OTOG: variants seen among roughly 807,000 people sequenced by gnomAD.
The protein encoded by OTOG is otogelin.
Under a neutral mutation model 313.8 loss-of-function variants are expected in OTOG, and 296 were observed. That is an observed-to-expected ratio of 0.94 (90% confidence interval 0.86 to 1.04). OTOG has a LOEUF of 1.04. Among genes scored for constraint, OTOG ranks in the 50% least tolerant of loss-of-function variants. The probability of loss-of-function intolerance (pLI) is 0.00; values close to 1 mark genes in which losing one functional copy is unlikely to be tolerated. For missense variants in OTOG, 3,948 were observed against 3,840.1 expected (o/e 1.03, Z -0.74); for synonymous variants, 1,533 against 1,554.9 (o/e 0.99, Z 0.33).
intron 37 of OTOG, 29 bp downstream of exon 37, chr11:17,612,359 G>T (rs1172463636): frequency 6.6e-7 from 1 of 1,504,216 alleles, no homozygotes; most frequent in Admixed American, 2.0e-5. Flanking sequence ...GGAGCCTCCT[G>T]CATCCTCCCT....
chr11:17,620,779 T>C (rs947269948), intron 39 of OTOG, among the ~76,000 whole-genome samples: 2 of 152,228 alleles, frequency 1.3e-5, no homozygotes, highest in African/African-American at 4.8e-5. Flanking sequence ...AGATCACTTA[T>C]GCTCTCTGCT....
intron 30 of OTOG, among the ~76,000 whole-genome samples, chr11:17,598,514 A>C (rs1326722031): frequency 1.3e-5 from 2 of 152,184 alleles, no homozygotes; most frequent in African/African-American, 2.4e-5. Flanking sequence ...TAGCCCCTTA[A>C]ATTTCACATC....
chr11:17,609,062 A>G (rs1203442032), intron 34 of OTOG, 68 bp from the exon 35 acceptor site: 2 of 1,284,010 alleles, frequency 1.6e-6, no homozygotes, highest in Non-Finnish European at 1.1e-6. Context: ...CCTGTGCTCA[A>G]TCGAGAGAAA....
chr11:17,623,538 A>G (rs550554897), intron 39 of OTOG, among the ~76,000 whole-genome samples: 16 of 152,310 alleles, frequency 1.1e-4, no homozygotes, highest in East Asian at 5.8e-4. Context: ...TTCTTTATCC[A>G]GTCTACCATT....
rs1211175135 is a variant in OTOG, at chr11:17,573,096, C to G, written c.2099C>G (p.Ala700Gly). The stretch of plus-strand genomic sequence containing the variant: ...TCCCCAGCCTCCTACTCAGTGCAGG[C>G]CTGCAGCGTGCTCACGGGGGAGATG... Reference protein sequence around the residue: ...HLQAASYSVQACSVLTGEMFA... With the variant: ...HLQAASYSVQGCSVLTGEMFA... Residue 700 changes from alanine (A) to glycine (G), a missense_variant, in exon 19 of 56, where the codon GCC (alanine) becomes GGC (glycine). Ala to Gly is a moderately conservative substitution (Grantham distance 60, BLOSUM62 0). Transcript: ENST00000399397. The G allele has an allele frequency of 6.5e-7, 1 of 1,548,260 alleles. No homozygotes were observed. The highest frequency in any genetic ancestry group is 1.4e-5 in the African/African-American group (1 of 73,048).
chr11:17,639,484 C>A, intron 49 of OTOG, 21 bp downstream of exon 49: 1 of 1,549,856 alleles, frequency 6.5e-7, no homozygotes, highest in Non-Finnish European at 8.7e-7. Context: ...GCTCCTCCCC[C>A]AACACTCCCT....
At position 17,609,797 on chromosome 11, in the gene OTOG, C is replaced by A; in HGVS notation, c.4497C>A (p.Leu1499=). 2 of 1,547,376 alleles carry A rather than the reference C, an allele frequency of 1.3e-6. No homozygotes were observed. The highest frequency in any genetic ancestry group is 1.7e-6 in the Non-Finnish European group (2 of 1,145,332). Residue 1499 remains leucine, a synonymous_variant, in exon 36 of 56, where the codon CTC becomes CTA. Coordinates refer to ENST00000399397, the MANE Select transcript of OTOG (RefSeq NM_001292063.2). ...GGACCCCCACCCACAGGCCAGCCCT[C>A]ACCCCAGCTGCCCCACTCACCACAG... ...SPRTPTHRPA[L]TPAAPLTTAL... is the part of the protein sequence containing the mutation.
intron 39 of OTOG, among the ~76,000 whole-genome samples, chr11:17,628,657 G>T (rs929444451): frequency 6.6e-6 from 1 of 152,204 alleles, no homozygotes; most frequent in Non-Finnish European, 1.5e-5. Context: ...ATATCTTGAT[G>T]TGGAAACAGA....
At chr11:17,580,362 C>T (rs929690497) in intron 23 of OTOG, among the ~76,000 whole-genome samples, 1 of 152,238 alleles carries the variant, frequency 6.6e-6, no homozygotes, top group Non-Finnish European at 1.5e-5. Flanking sequence ...ACAGAGTAAA[C>T]ACTCTATGTG....
chr11:17,608,629 C>T lies in OTOG; in HGVS notation c.4274+216C>T, dbSNP rs573519358. ...CAGCAGAGCCTTGCGTGTGTTTGTG[C>T]GTGTACTACTACAACTGTGCATTCG... On this transcript the variant is annotated intron_variant, in intron 34 of 55. Coordinates refer to ENST00000399397, the MANE Select transcript of OTOG (RefSeq NM_001292063.2). Among the ~76,000 whole-genome samples, 34 of 152,282 alleles carry T rather than the reference C, an allele frequency of 2.2e-4. 1 individual carries two copies. The South Asian group carries it at 4.4e-3, about 20-fold the overall frequency.
Position 17,608,427 on chromosome 11 carries a change from G to A in OTOG, c.4274+14G>A, listed in dbSNP as rs1392000509. 4 of 1,510,980 alleles carry A rather than the reference G, an allele frequency of 2.6e-6. No individual in the cohort carries two copies. Among genetic ancestry groups the A allele is most frequent in the South Asian group, 1.3e-5 (1 of 78,562 alleles). The allele number at this position is 1,510,980 out of a possible 1,614,324, so 93.6% of individuals were successfully genotyped here. The stretch of plus-strand genomic sequence containing the variant: ...GGACGTACCCAGGTGAGATGCCAGG[G>A]GCTGTGGGCATGGAGCCAAGGTGTG... On this transcript the variant is annotated intron_variant, in intron 34 of 55. Transcript: ENST00000399397.
intron 28 of OTOG, among the ~76,000 whole-genome samples, chr11:17,595,016 C>T (rs949666691): frequency 5.3e-5 from 8 of 152,178 alleles, no homozygotes; most frequent in African/African-American, 1.4e-4. Flanking sequence ...GTGATATGAG[C>T]GTTACATATT....
At chr11:17,643,535 TG>T (rs1177709422) in intron 54 of OTOG, 29 bp downstream of exon 54, 17 of 647,738 alleles carry the variant, frequency 2.6e-5, no homozygotes, top group Admixed American at 1.0e-4. Context: ...GGCCCAGGGG[TG>T]GGGGGCTCTG....
At position 17,605,920 on chromosome 11, in the gene OTOG, A is replaced by T. The variant is rs771674848; in HGVS notation, c.3941A>T (p.Asn1314Ile). Residue 1314 changes from asparagine (N) to isoleucine (I), a missense_variant, in exon 33 of 56, where the codon AAC becomes ATC. Asn to Ile is a moderately radical substitution (Grantham distance 149). Transcript: ENST00000399397. ...AACTTCTTCCTTCACGTCACAGCCA[A>T]CGGGTCTCTGGAGCTGGCTAAGTGG... ...RPNFFLHVTANGSLELAKWQG... is the reference protein window; with the variant it reads ...RPNFFLHVTAIGSLELAKWQG... 1 of 1,550,526 alleles carries T rather than the reference A, an allele frequency of 6.4e-7. No individual in the cohort carries two copies. The highest frequency in any genetic ancestry group is 8.7e-7 in the Non-Finnish European group (1 of 1,146,946).
Position 17,642,569 on chromosome 11 carries a change from T to A in OTOG, c.8415+323T>A, listed in dbSNP as rs189212360. The stretch of plus-strand genomic sequence containing the variant: ...CACTCCAGGGACATTCACATCAGCA[T>A]GCCAATGCACACACCACGCGTCATC... On this transcript the variant is annotated intron_variant, in intron 53 of 55. Coordinates refer to ENST00000399397, the MANE Select transcript of OTOG (RefSeq NM_001292063.2). Among the ~76,000 whole-genome samples the A allele has an allele frequency of 1.1e-4, 17 of 152,246 alleles. No homozygotes were observed. In the East Asian group the frequency reaches 2.9e-3, roughly 26 times the overall value.
At chr11:17,603,372 T>A (rs898296128) in intron 32 of OTOG, among the ~76,000 whole-genome samples, 1 of 152,210 alleles carries the variant, frequency 6.6e-6, no homozygotes, top group African/African-American at 2.4e-5. Context: ...TGGCAGGCCA[T>A]CTGCTTAGTG....
intron 17 of OTOG, 38 bp from the exon 18 acceptor site, chr11:17,572,041 AG>A (rs1416277411): frequency 6.5e-7 from 1 of 1,549,468 alleles, no homozygotes; most frequent in Non-Finnish European, 8.7e-7. Flanking sequence ...CTGAGTCCAC[AG>A]GGGCAAGTGT....
At chr11:17,617,588 A>C (rs1377932977) in intron 39 of OTOG, among the ~76,000 whole-genome samples, 1 of 152,162 alleles carries the variant, frequency 6.6e-6, no homozygotes, top group Non-Finnish European at 1.5e-5. Flanking sequence ...AAATTTATAA[A>C]CATTAAGTTG....
At chr11:17,590,303 T>A (rs1265496719) in intron 24 of OTOG, among the ~76,000 whole-genome samples, 1 of 152,214 alleles carries the variant, frequency 6.6e-6, no homozygotes, top group African/African-American at 2.4e-5. Context: ...GCCTTCCCCA[T>A]CTGAGTTGAT....
Sources: allele counts gnomAD v4.1 joint callset (sites outside exome capture counted in the v4.1 genomes callset), GRCh38; gene constraint gnomAD v4.1.1; transcripts MANE v1.5; gene names NCBI Gene and HGNC (gene_info 2026-07-23, HGNC 2026-07-21).